The following MTSS1 variants were observed in gnomAD, a reference collection of about 807,000 sequenced individuals.
MTSS1 encodes the protein MTSS I-BAR domain containing 1, also known as protein MTSS 1.
MTSS1 carries 18 observed loss-of-function variants against 79.0 expected under a neutral mutation model. The ratio of observed to expected loss-of-function variants is 0.23; its 90% confidence interval spans 0.16 to 0.34. MTSS1 has a LOEUF of 0.34. Among genes scored for constraint, MTSS1 ranks in the 10% least tolerant of loss-of-function variants. MTSS1 has a pLI of 1.00. For missense variants in MTSS1, 815 were observed against 986.2 expected (o/e 0.83, Z 2.33); for synonymous variants, 341 against 368.6 (o/e 0.93, Z 0.86).
At chr8:124,688,325 T>C (rs973050452) in intron 3 of MTSS1, among the ~76,000 whole-genome samples, 4 of 118,676 alleles carry the variant, frequency 3.4e-5, no homozygotes, top group African/African-American at 1.0e-4. Context: ...TGTGTACATG[T>C]GTACGTCTGT....
intron 9 of MTSS1, among the ~76,000 whole-genome samples, chr8:124,565,205 G>T (rs1183397705): frequency 6.6e-6 from 1 of 152,222 alleles, no homozygotes; most frequent in Non-Finnish European, 1.5e-5. Flanking sequence ...GACAGAGCAA[G>T]AACTCTATTT....
intron 3 of MTSS1, among the ~76,000 whole-genome samples, chr8:124,595,562 C>T (rs912112276): frequency 4.6e-5 from 7 of 152,246 alleles, no homozygotes; most frequent in African/African-American, 1.4e-4. Flanking sequence ...CTTCTCTCTC[C>T]GCCTCCAATT....
intron 3 of MTSS1, among the ~76,000 whole-genome samples, chr8:124,604,605 T>TA (rs201764427): frequency 2.0e-5 from 3 of 151,904 alleles, no homozygotes; most frequent in Non-Finnish European, 2.9e-5. Context: ...GTTTTTTTTT[T>TA]AAAAAACCTG....
At chr8:124,726,066 T>G (rs377332549) in intron 1 of MTSS1, among the ~76,000 whole-genome samples, 1 of 152,194 alleles carries the variant, frequency 6.6e-6, no homozygotes, top group East Asian at 1.9e-4. Flanking sequence ...GAAGTCAGGA[T>G]ACACAAACTC....
chr8:124,639,631 T>C (rs1487858990), intron 3 of MTSS1, among the ~76,000 whole-genome samples: 1 of 151,896 alleles, frequency 6.6e-6, no homozygotes, highest in Non-Finnish European at 1.5e-5. Flanking sequence ...CCCAGCTAAT[T>C]TTTTGTATTT....
chr8:124,633,536 C>T (rs961092409), intron 3 of MTSS1, among the ~76,000 whole-genome samples: 1 of 152,152 alleles, frequency 6.6e-6, no homozygotes, highest in Non-Finnish European at 1.5e-5. Flanking sequence ...TTTGGGAGGT[C>T]GAGGCGGGTG....
rs1483664099 is a variant in MTSS1, at chr8:124,683,138, C to T, written c.208+16388G>A. On this transcript the variant is annotated intron_variant, in intron 3 of 13. Transcript: ENST00000518547. The surrounding 1 kb of genome is among the most constrained non-coding windows in gnomAD (Gnocchi z 4.5). Reference sequence around the variant, plus strand: ...TTAAACCTGATGTTTAATGTGACAGCACTTCCATTTAAAGTAAGCAAAAAA... The same window carrying T: ...TTAAACCTGATGTTTAATGTGACAGTACTTCCATTTAAAGTAAGCAAAAAA... Among the ~76,000 whole-genome samples the T allele has an allele frequency of 6.6e-6, 1 of 151,590 alleles. No homozygotes were observed. Among genetic ancestry groups the T allele is most frequent in the African/African-American group, 2.4e-5 (1 of 41,196 alleles).
At position 124,556,190 on chromosome 8, in the gene MTSS1, G is replaced by A. The variant is rs117595835; in HGVS notation, c.1404+42C>T. ...TGGCCAGAATGTGATCCCCAGCCAG[G>A]CTGAGGTGGCCCCAACCAGCTACTG... On this transcript the variant is annotated intron_variant, in intron 12 of 13. Transcript: ENST00000518547. 7 of 1,613,580 alleles carry A rather than the reference G, an allele frequency of 4.3e-6. No individual in the cohort carries two copies. In the East Asian group the frequency reaches 1.3e-4, roughly 31 times the overall value.
chr8:124,721,932 G>A (rs1833004230), intron 1 of MTSS1, among the ~76,000 whole-genome samples: 1 of 152,154 alleles, frequency 6.6e-6, no homozygotes, highest in Non-Finnish European at 1.5e-5. Context: ...TCGCCTTCTG[G>A]TGAGACCCAT....
At chr8:124,577,533 G>C in intron 6 of MTSS1, 1 of 516,448 alleles carries the variant, frequency 1.9e-6, no homozygotes, top group South Asian at 1.4e-5. Context: ...CACTGTGCCC[G>C]GCCTTGGAGG....
intron 1 of MTSS1, among the ~76,000 whole-genome samples, chr8:124,717,445 A>C (rs1235830908): frequency 6.6e-6 from 1 of 150,758 alleles, no homozygotes; most frequent in South Asian, 2.1e-4. Context: ...GCAGCGAGCC[A>C]AGATTGCACC....
In MTSS1 at chr8:124,555,723, A is replaced by G; in HGVS notation, c.1567+19T>C. 6.3e-7 allele frequency: 1 copy of G among 1,581,306 alleles called. No homozygotes were observed. Among genetic ancestry groups the G allele is most frequent in the Admixed American group, 1.8e-5 (1 of 56,040 alleles). On this transcript the variant is annotated intron_variant, in intron 13 of 13. Coordinates refer to ENST00000518547, the MANE Select transcript of MTSS1 (RefSeq NM_014751.6). ...TGCTGCTCAGAAAGCCTAAGTGCAC[A>G]CCCCAGGCTGCCTCGTACCTTGGGA... is the stretch of plus-strand genomic sequence containing the variant.
chr8:124,616,354 G>A (rs939983491), intron 3 of MTSS1, among the ~76,000 whole-genome samples: 3 of 134,624 alleles, frequency 2.2e-5, no homozygotes, highest in African/African-American at 8.8e-5. Flanking sequence ...GTTGTTAAGT[G>A]TGCCTGTTTC....
rs193006028 is a variant in MTSS1 at position 124,717,666 on chromosome 8, G to A, written c.72+10218C>T. ...CTGAGATCGCGCCACTGCATACTCC[G>A]GTCTGGGGGACAGAGCAAGACTCCA... On this transcript the variant is annotated intron_variant, in intron 1 of 13. Transcript: ENST00000518547. 5.0e-4 allele frequency among the ~76,000 whole-genome samples: 76 copies of A among 152,230 alleles called. 1 individual carries two copies. The East Asian group carries it at 7.9e-3, about 16-fold the overall frequency.
intron 3 of MTSS1, among the ~76,000 whole-genome samples, chr8:124,686,132 C>T (rs1021929620): frequency 1.8e-4 from 28 of 152,176 alleles, no homozygotes; most frequent in African/African-American, 6.3e-4. Flanking sequence ...TCATAGACAA[C>T]GAAACTCAGG....
At chr8:124,699,758 T>C (rs1165766197) in intron 2 of MTSS1, among the ~76,000 whole-genome samples, 159 bp from the exon 3 acceptor site, 1 of 152,232 alleles carries the variant, frequency 6.6e-6, no homozygotes, top group Non-Finnish European at 1.5e-5. Context: ...AACCCACTTT[T>C]TTCCAAGTAC....
intron 3 of MTSS1, among the ~76,000 whole-genome samples, chr8:124,645,138 T>C (rs1818767384): frequency 6.6e-6 from 1 of 151,788 alleles, no homozygotes; most frequent in African/African-American, 2.4e-5. Flanking sequence ...GAGGCTGAGG[T>C]GAGAGGATCA....
chr8:124,633,020 A>T (rs1816296956), intron 3 of MTSS1, among the ~76,000 whole-genome samples: 1 of 152,008 alleles, frequency 6.6e-6, no homozygotes, highest in African/African-American at 2.4e-5. Flanking sequence ...TCAGTAAAAA[A>T]TAAGGTGGCG....
intron 3 of MTSS1, among the ~76,000 whole-genome samples, chr8:124,622,829 G>T (rs1381899858): frequency 1.3e-5 from 2 of 150,398 alleles, no homozygotes; most frequent in Non-Finnish European, 3.0e-5. Flanking sequence ...AGAAATGATA[G>T]ATATGTTAAC....
Sources: gnomAD v4.1 joint callset for allele counts (sites outside exome capture counted in the v4.1 genomes callset) on GRCh38, gnomAD v4.1.1 for gene constraint, Gnocchi (gnomAD v3.1) non-coding constraint, MANE v1.5 for transcripts, NCBI Gene and HGNC (gene_info 2026-07-23, HGNC 2026-07-21) for gene names.